KCTD8: variants seen among roughly 807,000 people sequenced by gnomAD.
The protein encoded by KCTD8 is potassium channel tetramerization domain containing 8, also known as BTB/POZ domain-containing protein KCTD8.
KCTD8 carries 27 observed loss-of-function variants against 31.5 expected under a neutral mutation model. That is an observed-to-expected ratio of 0.86 (90% CI 0.63 to 1.18). KCTD8 has a LOEUF of 1.18. Among genes scored for constraint, KCTD8 ranks in the 50% most tolerant of loss-of-function variants. The probability of loss-of-function intolerance (pLI) is 0.00; values close to 1 mark genes in which losing one functional copy is unlikely to be tolerated. For missense variants in KCTD8, 658 were observed against 647.7 expected (o/e 1.02, Z -0.17); for synonymous variants, 290 against 280.0 (o/e 1.04, Z -0.36).
intron 1 of KCTD8, among the ~76,000 whole-genome samples, chr4:44,370,471 G>T (rs899475550): frequency 6.6e-6 from 1 of 152,172 alleles, no homozygotes; most frequent in Admixed American, 6.5e-5. Context: ...CTGCTAAGTA[G>T]TGGCTGGCAC....
intron 1 of KCTD8, among the ~76,000 whole-genome samples, chr4:44,421,410 T>A (rs1560450808): frequency 6.6e-6 from 1 of 152,036 alleles, no homozygotes; most frequent in Non-Finnish European, 1.5e-5. Context: ...CAGGAAAATA[T>A]TATTTAAAAT....
At chr4:44,221,019 G>A (rs1021968355) in intron 1 of KCTD8, among the ~76,000 whole-genome samples, 11 of 151,948 alleles carry the variant, frequency 7.2e-5, no homozygotes, top group Admixed American at 2.0e-4. Flanking sequence ...ATTGTATGTC[G>A]TCATCACTGC....
chr4:44,184,664 T>C (rs1356285664), intron 1 of KCTD8, among the ~76,000 whole-genome samples: 1 of 152,228 alleles, frequency 6.6e-6, no homozygotes, highest in Non-Finnish European at 1.5e-5. Context: ...ATCAGAATAG[T>C]TGCTTAACAA....
chr4:44,412,082 C>T (rs1720974596), intron 1 of KCTD8, among the ~76,000 whole-genome samples: 1 of 152,112 alleles, frequency 6.6e-6, no homozygotes. Context: ...AGTGAAAGCA[C>T]TATGTAATAA....
At chr4:44,254,952 G>A (rs2109363055) in intron 1 of KCTD8, among the ~76,000 whole-genome samples, 1 of 151,918 alleles carries the variant, frequency 6.6e-6, no homozygotes, top group Admixed American at 6.6e-5. Flanking sequence ...TCTCTCCCCT[G>A]AGCAATTTTA....
intron 1 of KCTD8, among the ~76,000 whole-genome samples, chr4:44,193,820 C>A (rs1417805335): frequency 1.3e-5 from 2 of 152,070 alleles, no homozygotes; most frequent in African/African-American, 4.8e-5. Context: ...TATCCTCTGA[C>A]ATGCATATTT....
At chr4:44,327,210 C>T (rs1171195788) in intron 1 of KCTD8, among the ~76,000 whole-genome samples, 1 of 151,906 alleles carries the variant, frequency 6.6e-6, no homozygotes, top group African/African-American at 2.4e-5. Context: ...TGAAAACACA[C>T]ATTTTTTGCT....
At chr4:44,269,646 A>C (rs1457744828) in intron 1 of KCTD8, among the ~76,000 whole-genome samples, 11 of 148,022 alleles carry the variant, frequency 7.4e-5, no homozygotes, top group Admixed American at 2.0e-4. Context: ...ACTCATCTGA[A>C]AAAGGGCTAA....
intron 1 of KCTD8, among the ~76,000 whole-genome samples, chr4:44,234,577 G>A (rs1328509028): frequency 6.6e-6 from 1 of 152,158 alleles, no homozygotes; most frequent in Non-Finnish European, 1.5e-5. Flanking sequence ...GTGCAGCATT[G>A]GTCAAGGGAA....
intron 1 of KCTD8, among the ~76,000 whole-genome samples, chr4:44,221,196 T>G (rs2109348038): frequency 6.6e-6 from 1 of 152,314 alleles, no homozygotes; most frequent in South Asian, 2.1e-4. Flanking sequence ...ATAAACATTT[T>G]TTCTTTACAA....
At chr4:44,292,261 G>A (rs965631928) in intron 1 of KCTD8, among the ~76,000 whole-genome samples, 8 of 151,722 alleles carry the variant, frequency 5.3e-5, no homozygotes, top group Non-Finnish European at 1.2e-4. Flanking sequence ...AAGAAAATGT[G>A]GTACATATAC....
At chr4:44,311,245 A>G (rs11730791) in intron 1 of KCTD8, among the ~76,000 whole-genome samples, 35,233 of 152,026 alleles carry the variant, frequency 0.23, 4,796 homozygotes, top group Non-Finnish European at 0.31. Context: ...AAAATAGACA[A>G]TATCTGCAAT....
At chr4:44,433,075 C>T (rs1020848380) in intron 1 of KCTD8, among the ~76,000 whole-genome samples, 2 of 151,662 alleles carry the variant, frequency 1.3e-5, no homozygotes, top group African/African-American at 4.8e-5. Context: ...ACCTCCAGAG[C>T]TTGCATATGG....
At chr4:44,352,671 T>C (rs1326916286) in intron 1 of KCTD8, among the ~76,000 whole-genome samples, 4 of 151,580 alleles carry the variant, frequency 2.6e-5, no homozygotes, top group Non-Finnish European at 5.9e-5. Flanking sequence ...GAAAGTATTA[T>C]ATAATATCCA....
intron 1 of KCTD8, among the ~76,000 whole-genome samples, chr4:44,242,962 G>A (rs959066699): frequency 2.6e-5 from 4 of 152,110 alleles, no homozygotes; most frequent in Admixed American, 6.5e-5. Flanking sequence ...TGAAGAACTA[G>A]GACCCAACTA....
At chr4:44,326,504 C>T (rs1265978717) in intron 1 of KCTD8, among the ~76,000 whole-genome samples, 1 of 151,786 alleles carries the variant, frequency 6.6e-6, no homozygotes, top group Non-Finnish European at 1.5e-5. Flanking sequence ...AGGGTTAGAG[C>T]ATGAATTACC....
intron 1 of KCTD8, among the ~76,000 whole-genome samples, chr4:44,242,295 T>C (rs909645579): frequency 6.6e-6 from 1 of 152,204 alleles, no homozygotes; most frequent in South Asian, 2.1e-4. Context: ...AACTTGTTGA[T>C]AGGCCGGGCG....
At chr4:44,264,415 C>T (rs970967505) in intron 1 of KCTD8, among the ~76,000 whole-genome samples, 1 of 152,106 alleles carries the variant, frequency 6.6e-6, no homozygotes, top group Non-Finnish European at 1.5e-5. Flanking sequence ...TTTCTAGGCT[C>T]ATCAGAGTGT....
At chr4:44,281,122 A>G (rs1462094207) in intron 1 of KCTD8, among the ~76,000 whole-genome samples, 1 of 77,298 alleles carries the variant, frequency 1.3e-5, no homozygotes, top group African/African-American at 5.8e-5. Context: ...AAGGCTGGTG[A>G]GGATTAGCAC....
Sources: gnomAD v4.1 joint callset for allele counts (sites outside exome capture counted in the v4.1 genomes callset) on GRCh38, gnomAD v4.1.1 for gene constraint, MANE v1.5 for transcripts, NCBI Gene and HGNC (gene_info 2026-07-23, HGNC 2026-07-21) for gene names.